The following RNF130 variants were observed in gnomAD, a reference collection of about 807,000 sequenced individuals.
RNF130 encodes the protein E3 ubiquitin-protein ligase RNF130.
A neutral mutation model predicts 44.6 loss-of-function variants in RNF130; 21 were observed. The ratio of observed to expected loss-of-function variants is 0.47; its 90% CI spans 0.33 to 0.68. The LOEUF (loss-of-function observed/expected upper bound fraction) is 0.68. Among genes scored for constraint, RNF130 ranks in the 30% least tolerant of loss-of-function variants. The pLI, the probability that RNF130 is intolerant of heterozygous loss-of-function variation, is 0.02. For synonymous variants in RNF130, 214 were observed against 210.4 expected, an observed-to-expected ratio of 1.02 and a Z score of -0.15; for missense variants, 479 against 560.6, an observed-to-expected ratio of 0.85 and a Z score of 1.47.
intron 2 of RNF130, among the ~76,000 whole-genome samples, chr5:180,017,783 C>G (rs551363887): frequency 3.3e-5 from 5 of 152,226 alleles, no homozygotes; most frequent in African/African-American, 1.2e-4. Flanking sequence ...CAGAAGGAAC[C>G]TCAGAATTAA....
intron 1 of RNF130, among the ~76,000 whole-genome samples, chr5:180,066,103 C>T (rs926127270): frequency 1.2e-4 from 19 of 152,194 alleles, no homozygotes; most frequent in African/African-American, 4.6e-4. Context: ...TATGGTTTGG[C>T]TCTGTGTCCC....
intron 6 of RNF130, among the ~76,000 whole-genome samples, chr5:179,968,728 T>C (rs2113705941): frequency 6.6e-6 from 1 of 151,186 alleles, no homozygotes; most frequent in East Asian, 2.0e-4. Flanking sequence ...TCATGGCAGA[T>C]GCTCTATGTT....
Position 180,071,711 on chromosome 5 carries a change from C to A in RNF130, c.-9G>T. The A allele has an allele frequency of 7.1e-6, 9 of 1,264,704 alleles. No individual in the cohort carries two copies. Among genetic ancestry groups the A allele is most frequent in the South Asian group, 2.7e-5 (1 of 36,508 alleles). 78.3% of individuals were successfully genotyped at this position (1,264,704 alleles called of 1,614,324 possible). ...CGCCCCGCGCAGCTCATCGTCCCTC[C>A]GGCAGCCGCCGCTGCTCGCGGACCG... On this transcript the variant is annotated 5_prime_UTR_variant, in exon 1 of 9. Transcript: ENST00000521389.
At chr5:180,018,599 TATG>T (rs1763796895) in intron 2 of RNF130, among the ~76,000 whole-genome samples, 1 of 152,122 alleles carries the variant, frequency 6.6e-6, no homozygotes, top group South Asian at 2.1e-4. Flanking sequence ...AGCCAAACCA[TATG>T]ATGAGCTAAT....
chr5:180,046,394 C>A (rs958756723), intron 1 of RNF130, among the ~76,000 whole-genome samples: 1 of 151,936 alleles, frequency 6.6e-6, no homozygotes, highest in African/African-American at 2.4e-5. Flanking sequence ...TCACCTCTCA[C>A]CACCAGTCTG....
At chr5:180,018,428 G>A (rs1253933159) in intron 2 of RNF130, among the ~76,000 whole-genome samples, 1 of 152,156 alleles carries the variant, frequency 6.6e-6, no homozygotes, top group Non-Finnish European at 1.5e-5. Flanking sequence ...GCAGGAGAGA[G>A]AACGAGTGCA....
chr5:179,938,144 G>T (rs1761923002), intron 7 of RNF130, among the ~76,000 whole-genome samples: 2 of 152,134 alleles, frequency 1.3e-5, no homozygotes, highest in African/African-American at 4.8e-5. Context: ...TTTTTGTAGA[G>T]ATGGGGTTTT....
chr5:180,062,938 G>A (rs1765020901), intron 1 of RNF130, among the ~76,000 whole-genome samples: 1 of 152,122 alleles, frequency 6.6e-6, no homozygotes, highest in Non-Finnish European at 1.5e-5. Context: ...GCCAACCAGA[G>A]GGCACACACT....
chr5:179,969,747 T>C (rs1482859684), intron 6 of RNF130, among the ~76,000 whole-genome samples: 1 of 152,026 alleles, frequency 6.6e-6, no homozygotes, highest in Non-Finnish European at 1.5e-5. Flanking sequence ...CCCAGCACTT[T>C]GGGAGGCAGA....
intron 2 of RNF130, among the ~76,000 whole-genome samples, chr5:180,033,222 T>G (rs1764171766): frequency 6.6e-6 from 1 of 152,134 alleles, no homozygotes; most frequent in Non-Finnish European, 1.5e-5. Flanking sequence ...GCTCAAGTGA[T>G]CCTCCCTCCT....
At chr5:179,985,311 A>G (rs1399913639) in intron 3 of RNF130, among the ~76,000 whole-genome samples, 3 of 152,052 alleles carry the variant, frequency 2.0e-5, no homozygotes, top group Admixed American at 6.6e-5. Flanking sequence ...TCCTATAATA[A>G]TAATGACATC....
In RNF130 at chr5:179,939,382, A is replaced by G. The variant is rs145363479; in HGVS notation, c.1151-18956T>C. ...CAATACTTCAGGTACAATTCTACCAATAGTTGAGTTCATTTGAAATATTCA... is the reference window on the plus strand; with the variant it reads ...CAATACTTCAGGTACAATTCTACCAGTAGTTGAGTTCATTTGAAATATTCA... On this transcript the variant is annotated intron_variant, in intron 7 of 7. Transcript: ENST00000522208. The G allele has an allele frequency of 3.2e-4, 55 of 171,130 alleles. 1 individual carries two copies. In the East Asian group the frequency reaches 9.2e-3, roughly 29 times the overall value. The allele number at this position is 171,130 out of a possible 1,614,324, so 10.6% of individuals were successfully genotyped here.
At chr5:180,002,697 A>G (rs996146404) in intron 3 of RNF130, among the ~76,000 whole-genome samples, 5 of 152,108 alleles carry the variant, frequency 3.3e-5, no homozygotes, top group Admixed American at 6.5e-5. Context: ...GATCCTGGTT[A>G]GAGGATGGGA....
intron 7 of RNF130, among the ~76,000 whole-genome samples, chr5:179,966,228 A>AT (rs1275406606): frequency 2.6e-5 from 4 of 151,604 alleles, no homozygotes; most frequent in East Asian, 1.9e-4. Flanking sequence ...AGCTCACGGT[A>AT]TTTTTTTTTC....
At chr5:179,989,179 A>G (rs909429105) in intron 3 of RNF130, among the ~76,000 whole-genome samples, 2 of 152,204 alleles carry the variant, frequency 1.3e-5, no homozygotes, top group Non-Finnish European at 2.9e-5. Flanking sequence ...AAACTATCCC[A>G]TCAGATCTTG....
intron 6 of RNF130, among the ~76,000 whole-genome samples, chr5:179,967,648 A>G (rs1166265940): frequency 3.3e-5 from 5 of 151,754 alleles, no homozygotes; most frequent in Admixed American, 3.3e-4. Context: ...CGTTGTAACA[A>G]TGTGGCTATT....
At chr5:180,010,069 A>G (rs1400157552) in intron 3 of RNF130, among the ~76,000 whole-genome samples, 1 of 151,924 alleles carries the variant, frequency 6.6e-6, no homozygotes, top group Non-Finnish European at 1.5e-5. Context: ...AACACGGTGA[A>G]ACCCCATCTC....
downstream of RNF130, among the ~76,000 whole-genome samples, chr5:179,952,375 C>A (rs936521397): frequency 6.6e-6 from 1 of 152,030 alleles, no homozygotes; most frequent in Non-Finnish European, 1.5e-5. Context: ...AGTTGGTAAT[C>A]AAAAAACTTC....
At chr5:179,980,494 G>C (rs994230975) in intron 3 of RNF130, 1 of 347,312 alleles carries the variant, frequency 2.9e-6, no homozygotes, top group African/African-American at 2.1e-5. Flanking sequence ...ATTTTGTGTC[G>C]AATAAACATT....
Sources: gnomAD v4.1 joint callset for allele counts (sites outside exome capture counted in the v4.1 genomes callset) on GRCh38, gnomAD v4.1.1 for gene constraint, MANE v1.5 for transcripts, NCBI Gene and HGNC (gene_info 2026-07-23, HGNC 2026-07-21) for gene names.